OSBPL9: variants seen among roughly 807,000 people sequenced by gnomAD.
OSBPL9 encodes oxysterol-binding protein-related protein 9.
A neutral mutation model predicts 106.6 loss-of-function variants in OSBPL9; 40 were observed. That is an observed-to-expected ratio of 0.38 (90% CI 0.29 to 0.49). The LOEUF is 0.49. OSBPL9 is among the 20% of genes least tolerant of loss of function. The probability of loss-of-function intolerance (pLI) is 0.97; values close to 1 mark genes in which losing one functional copy is unlikely to be tolerated. For missense variants in OSBPL9, 609 were observed against 887.2 expected (o/e 0.69, Z 3.98); for synonymous variants, 269 against 295.4 (o/e 0.91, Z 0.92).
chr1:51,602,479 G>A (rs1267409331), intron 2 of OSBPL9, among the ~76,000 whole-genome samples: 2 of 125,702 alleles, frequency 1.6e-5, no homozygotes, highest in East Asian at 4.5e-4. Context: ...CTGGAGTGCT[G>A]TGGCACAATC....
At chr1:51,705,496 C>T (rs1282509238) in intron 3 of OSBPL9, among the ~76,000 whole-genome samples, 1 of 141,842 alleles carries the variant, frequency 7.1e-6, no homozygotes, top group Non-Finnish European at 1.5e-5. Context: ...TCACCACAAC[C>T]TCTGCCTCCC....
At chr1:51,639,996 AT>A (rs964525968) in intron 1 of OSBPL9, among the ~76,000 whole-genome samples, 2 of 149,296 alleles carry the variant, frequency 1.3e-5, no homozygotes, top group Non-Finnish European at 1.5e-5. Flanking sequence ...GCTAATTTTT[AT>A]TTTTTTTTAA....
the OSBPL9 span, chr1:51,566,544 A>G: frequency 6.6e-6 from 1 of 152,186 alleles, no homozygotes; most frequent in African/African-American, 2.4e-5. Flanking sequence ...TTATTGATCT[A>G]TAAAGGGAAT....
chr1:51,753,547 T>C (rs913399852), intron 8 of OSBPL9, among the ~76,000 whole-genome samples: 1 of 152,244 alleles, frequency 6.6e-6, no homozygotes, highest in Non-Finnish European at 1.5e-5. Context: ...TTTGGCAGAC[T>C]CTTATTCACT....
chr1:51,570,541 G>C, the OSBPL9 span, among the ~76,000 whole-genome samples: 1 of 152,154 alleles, frequency 6.6e-6, no homozygotes, highest in Non-Finnish European at 1.5e-5. Flanking sequence ...GGGAGGAAAG[G>C]TTACTTACTC....
At chr1:51,576,213 C>G (rs1645182842), upstream of OSBPL9, among the ~76,000 whole-genome samples, 1 of 152,228 alleles carries the variant, frequency 6.6e-6, no homozygotes, top group South Asian at 2.1e-4. Flanking sequence ...TTTCTGTGGT[C>G]TCCCCGTCTC....
At chr1:51,678,529 C>T (rs1462040811) in intron 3 of OSBPL9, among the ~76,000 whole-genome samples, 1 of 151,976 alleles carries the variant, frequency 6.6e-6, no homozygotes, top group Non-Finnish European at 1.5e-5. Context: ...GGCATGGTGA[C>T]GCATGCCTGT....
In OSBPL9 at chr1:51,788,178, A is replaced by G; in HGVS notation, c.*389A>G. 5.1e-6 allele frequency: 1 copy of G among 197,944 alleles called. No homozygotes were observed. The highest frequency in any genetic ancestry group is 1.0e-4 in the South Asian group (1 of 9,734). 12.3% of individuals were successfully genotyped at this position (197,944 alleles called of 1,614,324 possible). On this transcript the variant is annotated 3_prime_UTR_variant, in exon 24 of 24. Coordinates refer to ENST00000428468, the MANE Select transcript of OSBPL9 (RefSeq NM_024586.6). Reference sequence around the variant, plus strand: ...GATACACACACACACACACATATATATACACACACATACGTATACACACAC... The same window carrying G: ...GATACACACACACACACACATATATGTACACACACATACGTATACACACAC...
chr1:51,680,536 C>T (rs2148797236), intron 3 of OSBPL9, among the ~76,000 whole-genome samples: 1 of 151,844 alleles, frequency 6.6e-6, no homozygotes, highest in South Asian at 2.1e-4. Context: ...TGGTACGTGC[C>T]TGTAGTCCCA....
At chr1:51,617,854 A>G (rs1049875563) in intron 1 of OSBPL9, among the ~76,000 whole-genome samples, 1 of 152,206 alleles carries the variant, frequency 6.6e-6, no homozygotes, top group Non-Finnish European at 1.5e-5. Flanking sequence ...GATTTCCTAC[A>G]CGCGAGACTC....
chr1:51,707,006 G>A lies in OSBPL9; in HGVS notation c.242-6997G>A, dbSNP rs138904650. On this transcript the variant is annotated intron_variant, in intron 3 of 23. Transcript: ENST00000428468. ...CTTCAGGGGGTCTGGCATGGAAACT[G>A]TGTCAAGAAGAGATTTTTGCATGTC... 2.9e-3 allele frequency: 480 copies of A among 165,970 alleles called. 3 individuals are homozygous for A. The highest frequency in any genetic ancestry group is 0.011 in the African/African-American group (473 of 41,916). 10.3% of individuals were successfully genotyped at this position (165,970 alleles called of 1,614,324 possible). A position where few individuals can be genotyped will look rare whatever the true frequency, so the allele number is the denominator to read the frequency against.
intron 2 of OSBPL9, among the ~76,000 whole-genome samples, chr1:51,608,164 G>A (rs1039286335): frequency 9.2e-5 from 14 of 152,204 alleles, no homozygotes; most frequent in Non-Finnish European, 1.8e-4. Context: ...CTCTTAGTGT[G>A]CATGCTTGAG....
chr1:51,573,533 A>AAT, upstream of OSBPL9, among the ~76,000 whole-genome samples: 1 of 147,862 alleles, frequency 6.8e-6, no homozygotes, highest in Admixed American at 6.8e-5. Context: ...AAAAAAAAAA[A>AAT]GGCCAGGCAC....
intron 4 of OSBPL9, among the ~76,000 whole-genome samples, chr1:51,737,545 GGTGTGTGTGTGTGTGTGTGTGTGT>G (rs57886494): frequency 7.0e-6 from 1 of 142,436 alleles, no homozygotes; most frequent in Non-Finnish European, 1.5e-5. Flanking sequence ...ATATTTCAGG[GGTGTGTGTGTGTGTGTGTGTGTGT>G]GTGTGTGTGT....
At chr1:51,568,921 C>G in the OSBPL9 span, among the ~76,000 whole-genome samples, 2 of 152,156 alleles carry the variant, frequency 1.3e-5, no homozygotes, top group African/African-American at 2.4e-5. Flanking sequence ...CCATGTTGGC[C>G]AGGATGCTCT....
the OSBPL9 span, among the ~76,000 whole-genome samples, chr1:51,529,057 T>C: frequency 0.02 from 2,974 of 152,278 alleles, 49 homozygotes; most frequent in Non-Finnish European, 0.031. Context: ...AGACTTAAGA[T>C]TGTTAATATG....
chr1:51,583,254 A>C (rs1292976491), intron 1 of OSBPL9, among the ~76,000 whole-genome samples: 1 of 152,178 alleles, frequency 6.6e-6, no homozygotes, highest in Non-Finnish European at 1.5e-5. Flanking sequence ...GCCACATCCC[A>C]GGTGAGCTAC....
At chr1:51,779,919 T>TA (rs1208096361) in intron 15 of OSBPL9, among the ~76,000 whole-genome samples, 3 of 151,488 alleles carry the variant, frequency 2.0e-5, no homozygotes, top group African/African-American at 7.3e-5. Flanking sequence ...CTACTAAAAA[T>TA]ACAAAAAAAT....
chr1:51,618,486 C>T (rs946064246), intron 1 of OSBPL9, among the ~76,000 whole-genome samples: 2 of 151,766 alleles, frequency 1.3e-5, no homozygotes, highest in African/African-American at 4.8e-5. Context: ...AATAGAATGC[C>T]CAGAAAGCTT....
Sources: gnomAD v4.1 joint callset for allele counts (sites outside exome capture counted in the v4.1 genomes callset) on GRCh38, gnomAD v4.1.1 for gene constraint, MANE v1.5 for transcripts, NCBI Gene and HGNC (gene_info 2026-07-23, HGNC 2026-07-21) for gene names.